Variants in AOX1 observed in about 807,000 individuals in gnomAD.
The protein encoded by AOX1 is aldehyde oxidase.
Under a neutral mutation model 169.5 loss-of-function variants are expected in AOX1, and 153 were observed. That is an observed-to-expected ratio of 0.90 (90% CI 0.79 to 1.03). The LOEUF is 1.03. AOX1 is among the 50% of genes least tolerant of loss of function. The pLI is 0.00. For synonymous variants in AOX1, 562 were observed against 581.9 expected, an observed-to-expected ratio of 0.97 and a Z score of 0.49; for missense variants, 1,656 against 1,663.9, an observed-to-expected ratio of 1.00 and a Z score of 0.08.
At chr2:200,609,644 CA>C (rs2034592913) in intron 12 of AOX1, among the ~76,000 whole-genome samples, 1 of 152,124 alleles carries the variant, frequency 6.6e-6, no homozygotes, top group Non-Finnish European at 1.5e-5. Context: ...TCATACTGGT[CA>C]CCCTACACTG....
At chr2:200,613,003 C>CAT (rs1553569226) in intron 14 of AOX1, among the ~76,000 whole-genome samples, 2 of 144,128 alleles carry the variant, frequency 1.4e-5, no homozygotes, top group Non-Finnish European at 3.0e-5. Context: ...ACTCTGTGTG[C>CAT]GTGTGTGTGT....
Position 200,621,188 on chromosome 2 carries a change from G to A in AOX1, c.1943G>A (p.Ser648Asn). 1.2e-6 allele frequency: 2 copies of A among 1,614,136 alleles called. No individual in the cohort carries two copies. The highest frequency in any genetic ancestry group is 1.3e-5 in the African/African-American group (1 of 75,050). Residue 648 changes from serine to asparagine, a missense_variant, in exon 18 of 35, where the codon AGT (serine) becomes AAT (asparagine). Coordinates refer to ENST00000374700, the MANE Select transcript of AOX1 (RefSeq NM_001159.4). Reference protein sequence around the residue: ...VVDIMTAEHLSDVNSFCFFTE... With the variant: ...VVDIMTAEHLNDVNSFCFFTE... ...GACATCATGACAGCAGAACATCTTA[G>A]TGACGTCAACTCCTTCTGCTTTTTT...
chr2:200,630,575 GAA>G, intron 20 of AOX1, among the ~76,000 whole-genome samples: 1 of 141,264 alleles, frequency 7.1e-6, no homozygotes, highest in African/African-American at 2.8e-5. Flanking sequence ...AGGAAGGAAG[GAA>G]GGAAGGAAGG....
In AOX1 at chr2:200,669,623, A is replaced by G. The variant is rs1388622972; in HGVS notation, c.3847A>G (p.Ile1283Val). 1 of 1,613,940 alleles carries G rather than the reference A, an allele frequency of 6.2e-7. No individual in the cohort carries two copies. The highest frequency in any genetic ancestry group is 1.1e-5 in the South Asian group (1 of 91,076). Reference sequence around the variant, plus strand: ...CCTGGGGTGTTCCGTGTTTTTCGCTATCCATGACGCAGTGAGTGCAGCACG... The same window carrying G: ...CCTGGGGTGTTCCGTGTTTTTCGCTGTCCATGACGCAGTGAGTGCAGCACG... ...VFLGCSVFFA[I>V]HDAVSAARQE... Residue 1283 changes from isoleucine to valine, a missense_variant, in exon 34 of 35, where the codon ATC (isoleucine) becomes GTC (valine). Physicochemically the swap from Ile to Val is conservative, Grantham distance 29. Transcript: ENST00000374700.
At chr2:200,617,481 C>CAAAAAAAAAAAAAAAAAAAAAAAA (rs35035526) in intron 16 of AOX1, among the ~76,000 whole-genome samples, 2 of 58,190 alleles carry the variant, frequency 3.4e-5, no homozygotes, top group African/African-American at 1.2e-4. Flanking sequence ...CAACTAACTG[C>CAAAAAAAAAAAAAAAAAAAAAAAA]AAAAAAAAAA....
intron 19 of AOX1, among the ~76,000 whole-genome samples, chr2:200,624,476 TG>T (rs2034960304): frequency 6.6e-6 from 1 of 151,954 alleles, no homozygotes; most frequent in Non-Finnish European, 1.5e-5. Context: ...GAGCCCTGTT[TG>T]GAAAGGGAAA....
At chr2:200,663,596 T>TCTCTC (rs141563329) in intron 31 of AOX1, among the ~76,000 whole-genome samples, 2 of 147,928 alleles carry the variant, frequency 1.4e-5, no homozygotes, top group Non-Finnish European at 1.5e-5. Flanking sequence ...TCTCTCTCTC[T>TCTCTC]CCCCCTCTTT....
intron 21 of AOX1, among the ~76,000 whole-genome samples, chr2:200,635,411 A>G (rs1031077328): frequency 6.6e-6 from 1 of 152,242 alleles, no homozygotes; most frequent in African/African-American, 2.4e-5. Context: ...TTAAGAAACA[A>G]TATTGAAAAT....
chr2:200,646,978 T>C (rs2105753316), intron 25 of AOX1, among the ~76,000 whole-genome samples: 1 of 152,306 alleles, frequency 6.6e-6, no homozygotes, highest in Non-Finnish European at 1.5e-5. Context: ...GTGAGTCTTC[T>C]GAAGGGAACA....
At chr2:200,637,468 C>A (rs1030150597) in intron 22 of AOX1, among the ~76,000 whole-genome samples, 1 of 151,620 alleles carries the variant, frequency 6.6e-6, no homozygotes, top group African/African-American at 2.4e-5. Context: ...TGTTTATAAA[C>A]GTATATGTAT....
intron 27 of AOX1, among the ~76,000 whole-genome samples, chr2:200,658,334 T>C (rs2035735595): frequency 6.6e-6 from 1 of 152,246 alleles, no homozygotes; most frequent in African/African-American, 2.4e-5. Flanking sequence ...TTTTTCTGAG[T>C]ATAAAGATGT....
In AOX1 at chr2:200,659,784, TCTCA is replaced by T. The variant is rs1553578787; in HGVS notation, c.3301-209_3301-206del. Among the ~76,000 whole-genome samples the T allele has an allele frequency of 4.6e-3, 367 of 79,618 alleles. 2 individuals carry two copies. Among genetic ancestry groups the T allele is most frequent in the African/African-American group, 0.014 (337 of 24,626 alleles). 52.2% of individuals were successfully genotyped at this position (79,618 alleles called of 152,430 possible). ...CATGGCTTACAAGGCCAGTTCTCTC[TCTCA>T]CACACACACACACACACACACACAC... is the stretch of plus-strand genomic sequence containing the variant. On this transcript the variant is annotated intron_variant, in intron 28 of 34. Transcript: ENST00000374700.
At chr2:200,681,523 A>T (rs898705997), downstream of AOX1, 13 of 152,638 alleles carry the variant, frequency 8.5e-5, no homozygotes, top group African/African-American at 3.1e-4. Context: ...GTAGAAGAGT[A>T]TTGTCCTTCC....
chr2:200,628,358 T>C (rs2035047913), intron 20 of AOX1, among the ~76,000 whole-genome samples: 6 of 152,190 alleles, frequency 3.9e-5, no homozygotes, highest in Admixed American at 3.9e-4. Flanking sequence ...CTACACAGTT[T>C]ATTCAAATTT....
downstream of AOX1, among the ~76,000 whole-genome samples, chr2:200,680,432 G>A (rs1205215153): frequency 6.6e-6 from 1 of 152,182 alleles, no homozygotes; most frequent in Non-Finnish European, 1.5e-5. Context: ...TGAGTCAAAG[G>A]TCACAGGGGA....
rs75320320 is a variant in AOX1, at chr2:200,635,421, T to G, written c.2346+506T>G. 3.2e-3 allele frequency among the ~76,000 whole-genome samples: 480 copies of G among 152,186 alleles called. 5 individuals are homozygous for G. The highest frequency in any genetic ancestry group is 0.011 in the African/African-American group (451 of 41,524). ...AACAGTTAAGAAACAATATTGAAAA[T>G]TATGCAACCAGGTGCTAAATCAGCA... On this transcript the variant is annotated intron_variant, in intron 21 of 34. Transcript: ENST00000374700.
chr2:200,646,298 A>G (rs576735303), intron 25 of AOX1, among the ~76,000 whole-genome samples: 8 of 152,198 alleles, frequency 5.3e-5, no homozygotes, highest in African/African-American at 1.9e-4. Context: ...TTTAATTTCC[A>G]TTTGATTTCA....
At position 200,636,960 on chromosome 2, in the gene AOX1, A is replaced by G; in HGVS notation, c.2396A>G (p.His799Arg). ...CTCCCAGCTAACAAGGTCATGTGCC[A>G]TGTAAGGCGTGTTGGTGGAGCGTTT... ...LKLPANKVMC[H>R]VRRVGGAFGG... The change falls in exon 22 of 35, where the codon CAT (histidine) becomes CGT (arginine). Residue 799 changes from histidine to arginine, a missense_variant. Physicochemically the swap from His to Arg is conservative, Grantham distance 29. Coordinates refer to ENST00000374700, the MANE Select transcript of AOX1 (RefSeq NM_001159.4). 2 of 1,614,132 alleles carry G rather than the reference A, an allele frequency of 1.2e-6. No homozygotes were observed. The highest frequency in any genetic ancestry group is 2.2e-5 in the East Asian group (1 of 44,868).
chr2:200,669,475 AG>A, intron 33 of AOX1, 99 bp from the exon 34 acceptor site: 1 of 1,191,112 alleles, frequency 8.4e-7, no homozygotes, highest in Non-Finnish European at 1.2e-6. Flanking sequence ...GTACATATGT[AG>A]TACGTAATAT....
Sources: allele counts gnomAD v4.1 joint callset (sites outside exome capture counted in the v4.1 genomes callset), GRCh38; gene constraint gnomAD v4.1.1; transcripts MANE v1.5; gene names NCBI Gene and HGNC (gene_info 2026-07-23, HGNC 2026-07-21).